Variants in MYPN observed in about 807,000 individuals in gnomAD.
MYPN encodes sarcomeric protein myopalladin, 145 kDa (MYOP).
A neutral mutation model predicts 129.4 loss-of-function variants in MYPN; 63 were observed. The observed-to-expected ratio is 0.49, with a 90% confidence interval of 0.40 to 0.60. The LOEUF is 0.60. Ranked by LOEUF, MYPN falls within the 20% of genes least tolerant of loss-of-function variation. The pLI is 0.00. For missense variants in MYPN, 1,596 were observed against 1,635.4 expected, an observed-to-expected ratio of 0.98 and a Z score of 0.42; for synonymous variants, 629 against 600.9, an observed-to-expected ratio of 1.05 and a Z score of -0.68.
upstream of MYPN, among the ~76,000 whole-genome samples, chr10:68,105,165 T>C (rs895294945): frequency 1.1e-4 from 17 of 152,228 alleles, no homozygotes; most frequent in African/African-American, 3.9e-4. Flanking sequence ...GCAGTGGTTA[T>C]GAGCACAGAC....
intron 1 of MYPN, among the ~76,000 whole-genome samples, chr10:68,094,869 C>G (rs2041949098): frequency 6.6e-6 from 1 of 152,048 alleles, no homozygotes; most frequent in South Asian, 2.1e-4. Flanking sequence ...CGAGACCAGT[C>G]TGGCCAACAT....
chr10:68,150,691 C>T (rs2042754690), intron 6 of MYPN, among the ~76,000 whole-genome samples: 1 of 152,084 alleles, frequency 6.6e-6, no homozygotes, highest in African/African-American at 2.4e-5. Context: ...GCCATGTAGC[C>T]AATGTCACAG....
intron 10 of MYPN, among the ~76,000 whole-genome samples, chr10:68,169,362 TAAA>T (rs34539408): frequency 7.1e-5 from 9 of 127,176 alleles, no homozygotes; most frequent in Admixed American, 1.6e-4. Flanking sequence ...CGTCTCAAAT[TAAA>T]AAAAAAAAAA....
At chr10:68,132,724 A>G (rs2042429093) in intron 2 of MYPN, among the ~76,000 whole-genome samples, 1 of 152,208 alleles carries the variant, frequency 6.6e-6, no homozygotes, top group Non-Finnish European at 1.5e-5. Flanking sequence ...GGGCAGTCAT[A>G]AAAAAGAAGA....
rs528791731 is a variant in MYPN, at chr10:68,204,172, G to A, written c.3659+2178G>A. Among the ~76,000 whole-genome samples the A allele has an allele frequency of 3.5e-4, 54 of 152,258 alleles. 1 individual carries two copies. The highest frequency in any genetic ancestry group is 1.2e-3 in the African/African-American group (48 of 41,556). On this transcript the variant is annotated intron_variant, in intron 18 of 19. Coordinates refer to ENST00000358913, the MANE Select transcript of MYPN (RefSeq NM_032578.4). ...CTAATGGTTTCATTCTCTCTCCCAC[G>A]ACTAGACTGTGAGCATCTTGAAGGA...
intron 1 of MYPN, among the ~76,000 whole-genome samples, chr10:68,101,020 T>C (rs2041979342): frequency 1.3e-5 from 2 of 152,220 alleles, no homozygotes; most frequent in African/African-American, 4.8e-5. Flanking sequence ...ATTGACTGAA[T>C]AAGACAGTTT....
intron 7 of MYPN, among the ~76,000 whole-genome samples, chr10:68,160,564 G>A (rs2042959795): frequency 6.6e-6 from 1 of 151,820 alleles, no homozygotes. Context: ...TCAAACACCT[G>A]TATTCAGTAC....
intron 16 of MYPN, among the ~76,000 whole-genome samples, chr10:68,197,818 CTT>C (rs2043636838): frequency 6.6e-6 from 1 of 152,034 alleles, no homozygotes; most frequent in African/African-American, 2.4e-5. Flanking sequence ...ATGCCTGAAA[CTT>C]TAGGTAGTAC....
rs55727861 is a variant in MYPN at position 68,187,306 on chromosome 10, C to CAAA, written c.2704-1586_2704-1584dup. 6.0e-3 allele frequency among the ~76,000 whole-genome samples: 811 copies of CAAA among 135,586 alleles called. 10 individuals carry two copies. The highest frequency in any genetic ancestry group is 0.022 in the African/African-American group (782 of 34,890). 88.9% of individuals were successfully genotyped at this position (135,586 alleles called of 152,430 possible). On this transcript the variant is annotated intron_variant, in intron 12 of 19. Transcript: ENST00000358913. ...ACAAAACAGAGGGAAGACTCCATCT[C>CAAA]AAAAAAAAAAAAAAATAGTAACCAT...
rs765335692 is a variant in MYPN, at chr10:68,197,440, G to T, written c.3247G>T (p.Val1083Leu). The change falls in exon 16 of 20, where the codon GTA (valine) becomes TTA (leucine). Residue 1083 changes from valine (V) to leucine (L), a missense_variant. Transcript: ENST00000358913. ...TTTCCTGCAGGCTCCTGGGGATATGGTAGCTCATGAGGGGCGCCTCTGTCG... is the reference window on the plus strand; with the variant it reads ...TTTCCTGCAGGCTCCTGGGGATATGTTAGCTCATGAGGGGCGCCTCTGTCG... ...PHFLQAPGDMVAHEGRLCRLD... is the reference protein window; with the variant it reads ...PHFLQAPGDMLAHEGRLCRLD... 6.8e-6 allele frequency: 11 copies of T among 1,614,020 alleles called. No homozygotes were observed. The highest frequency in any genetic ancestry group is 8.5e-6 in the Non-Finnish European group (10 of 1,179,942).
chr10:68,173,047 T>C (rs1366572974), intron 10 of MYPN, among the ~76,000 whole-genome samples: 1 of 152,112 alleles, frequency 6.6e-6, no homozygotes, highest in Non-Finnish European at 1.5e-5. Flanking sequence ...CACTCCAGCC[T>C]GGGCAACAGA....
intron 6 of MYPN, among the ~76,000 whole-genome samples, chr10:68,150,809 G>T (rs7097584): frequency 0.55 from 83,056 of 151,950 alleles, 23,846 homozygotes; most frequent in Non-Finnish European, 0.62. Context: ...ATGAAAAAAT[G>T]GAATCACATT....
At chr10:68,115,503 G>A (rs536563808) in intron 1 of MYPN, among the ~76,000 whole-genome samples, 21 of 152,170 alleles carry the variant, frequency 1.4e-4, no homozygotes, top group African/African-American at 3.4e-4. Flanking sequence ...TCTCAAATAC[G>A]AGCATTTCTG....
chr10:68,203,273 T>C (rs1429878331), intron 18 of MYPN, among the ~76,000 whole-genome samples: 1 of 152,160 alleles, frequency 6.6e-6, no homozygotes, highest in Admixed American at 6.5e-5. Context: ...AGTGACAAGA[T>C]GCCTGTCATT....
At position 68,188,569 on chromosome 10, in the gene MYPN, T is replaced by C. The variant is rs16925246; in HGVS notation, c.2704-336T>C. ...GCAGTTCAGAATGGCTTTGCCAAAATAATGCTATAGGAAGTTTTCCATATT... is the reference window on the plus strand; with the variant it reads ...GCAGTTCAGAATGGCTTTGCCAAAACAATGCTATAGGAAGTTTTCCATATT... On this transcript the variant is annotated intron_variant, in intron 12 of 19. Transcript: ENST00000358913. Among the ~76,000 whole-genome samples, 19,018 of 152,206 alleles carry C rather than the reference T, an allele frequency of 0.12. 1,584 individuals are homozygous for C. The highest frequency in any genetic ancestry group is 0.2 in the Middle Eastern group (58 of 294).
chr10:68,187,048 T>C (rs984285425), intron 12 of MYPN, among the ~76,000 whole-genome samples: 76 of 152,126 alleles, frequency 5.0e-4, no homozygotes, highest in African/African-American at 1.8e-3. Flanking sequence ...ATGTCACCTC[T>C]CTGCCTTGAG....
chr10:68,121,027 C>T (rs2042233058), intron 1 of MYPN, among the ~76,000 whole-genome samples: 1 of 152,034 alleles, frequency 6.6e-6, no homozygotes, highest in South Asian at 2.1e-4. Flanking sequence ...CCCTATAATC[C>T]CAGCACTTTG....
upstream of MYPN, chr10:68,106,919 G>C: frequency 1.5e-6 from 1 of 669,626 alleles, no homozygotes; most frequent in African/African-American, 1.8e-5. Context: ...CAACTTTATG[G>C]GGAAGGCTTA....
intron 1 of MYPN, among the ~76,000 whole-genome samples, chr10:68,093,217 T>A (rs753836813): frequency 1.7e-4 from 26 of 152,106 alleles, no homozygotes; most frequent in Non-Finnish European, 2.6e-4. Context: ...GGAGGCCTCA[T>A]CCCAACCTTG....
Sources: allele counts gnomAD v4.1 joint callset (sites outside exome capture counted in the v4.1 genomes callset), GRCh38; gene constraint gnomAD v4.1.1; transcripts MANE v1.5; gene names NCBI Gene and HGNC (gene_info 2026-07-23, HGNC 2026-07-21).